TAGLN: variants seen among roughly 807,000 people sequenced by gnomAD.
TAGLN encodes transgelin, also known as 22 kDa actin-binding protein.
In TAGLN, 16 loss-of-function variants were observed where a neutral mutation model predicts 21.9. That is an observed-to-expected ratio of 0.73 (90% confidence interval 0.49 to 1.11). TAGLN has a LOEUF of 1.11. Ranked by LOEUF, TAGLN falls within the 50% of genes least tolerant of loss-of-function variation. The pLI is 0.00. For missense variants in TAGLN, 248 were observed against 263.2 expected (o/e 0.94, Z 0.40); for synonymous variants, 96 against 94.9 (o/e 1.01, Z -0.06).
At position 117,204,510 on chromosome 11, in the gene TAGLN, C is replaced by A. The variant is rs1259040464; in HGVS notation, c.*151C>A. On this transcript the variant is annotated 3_prime_UTR_variant, in exon 5 of 5. Coordinates refer to ENST00000392951, the MANE Select transcript of TAGLN (RefSeq NM_003186.5). ...CTGAGCAATGGTAACTGCACCTGGGCAGCTCCTCCCTGTGCCCCCAGCCTC... is the reference window on the plus strand; with the variant it reads ...CTGAGCAATGGTAACTGCACCTGGGAAGCTCCTCCCTGTGCCCCCAGCCTC... 5 of 1,203,856 alleles carry A rather than the reference C, an allele frequency of 4.2e-6. No homozygotes were observed. The highest frequency in any genetic ancestry group is 6.0e-6 in the Non-Finnish European group (5 of 837,428). 74.6% of individuals were successfully genotyped at this position (1,203,856 alleles called of 1,614,324 possible). A position where few individuals can be genotyped will look rare whatever the true frequency, so the allele number is the denominator to read the frequency against.
At position 117,204,327 on chromosome 11, in the gene TAGLN, G is replaced by C; in HGVS notation, c.574G>C (p.Gly192Arg). 6.2e-7 allele frequency: 1 copy of C among 1,614,246 alleles called. No homozygotes were observed. The highest frequency in any genetic ancestry group is 1.1e-5 in the South Asian group (1 of 91,090). ...AGGGGCCTCCCAGGCCGGCATGACA[G>C]GCTACGGACGACCTCGGCAGATCAT... ...NRGASQAGMTGYGRPRQIIS is the reference protein window; with the variant it reads ...NRGASQAGMTRYGRPRQIIS The change falls in exon 5 of 5, where the codon GGC (glycine) becomes CGC (arginine). Residue 192 changes from glycine (G) to arginine (R), a missense_variant. By Grantham distance (125) the Gly-to-Arg change is moderately radical (BLOSUM62 -2). Coordinates refer to ENST00000392951, the MANE Select transcript of TAGLN (RefSeq NM_003186.5).
chr11:117,200,328 T>G (rs1370572440), intron 1 of TAGLN: 1 of 152,344 alleles, frequency 6.6e-6, no homozygotes, highest in East Asian at 1.9e-4. Flanking sequence ...TGCTCGTGTT[T>G]CTGGGCTTCT....
At chr11:117,200,048 G>C (rs2031022084) in intron 1 of TAGLN, among the ~76,000 whole-genome samples, 1 of 151,702 alleles carries the variant, frequency 6.6e-6, no homozygotes, top group African/African-American at 2.4e-5. Context: ...GTAGCAGAGG[G>C]GTGGGGGGCG....
chr11:117,203,672 C>T lies in TAGLN; in HGVS notation c.359-110C>T, dbSNP rs2031202276. On this transcript the variant is annotated intron_variant, in intron 3 of 4. Coordinates refer to ENST00000392951, the MANE Select transcript of TAGLN (RefSeq NM_003186.5). The surrounding 1 kb of genome is among the most constrained non-coding windows in gnomAD (Gnocchi z 4.4). ...GAGGCCTCCCTTGAATTGGGGACAA[C>T]TCTTGGCCCTGGTTTGGCCATTTTT... is the stretch of plus-strand genomic sequence containing the variant. The T allele has an allele frequency of 1.5e-6, 2 of 1,314,068 alleles. No homozygotes were observed. Among genetic ancestry groups the T allele is most frequent in the African/African-American group, 1.5e-5 (1 of 68,598 alleles). The allele number at this position is 1,314,068 out of a possible 1,614,324, so 81.4% of individuals were successfully genotyped here.
intron 4 of TAGLN, 57 bp from the exon 5 acceptor site, chr11:117,204,158 A>G: frequency 6.2e-7 from 1 of 1,608,790 alleles, no homozygotes; most frequent in Non-Finnish European, 8.5e-7. Flanking sequence ...GGGATCAGAA[A>G]ACGGGTGGAA....
Position 117,204,465 on chromosome 11 carries a change from C to G in TAGLN, c.*106C>G, listed in dbSNP as rs767417535. On this transcript the variant is annotated 3_prime_UTR_variant, in exon 5 of 5. Transcript: ENST00000392951. ...CCCGTGTGGTACCTTCAGCCCTGGC[C>G]AAGCTTTGAGGCTCTGTCACTGAGC... The G allele has an allele frequency of 6.5e-7, 1 of 1,547,380 alleles. No individual in the cohort carries two copies. Among genetic ancestry groups the G allele is most frequent in the Non-Finnish European group, 8.8e-7 (1 of 1,133,090 alleles).
chr11:117,204,301 G>C lies in TAGLN; in HGVS notation c.548G>C (p.Arg183Thr). ...ATTGGCCTTCAGATGGGCAGCAACA[G>C]AGGGGCCTCCCAGGCCGGCATGACA... ...HVIGLQMGSN[R>T]GASQAGMTGY... is the part of the protein sequence containing the mutation. Residue 183 changes from arginine (R) to threonine (T), a missense_variant, in exon 5 of 5, where the codon AGA becomes ACA. Transcript: ENST00000392951. The C allele has an allele frequency of 6.2e-7, 1 of 1,614,260 alleles. No homozygotes were observed. The highest frequency in any genetic ancestry group is 1.1e-5 in the South Asian group (1 of 91,092).
rs1397435227 is a variant in TAGLN at position 117,205,773 on chromosome 11, T to A, written c.*1414T>A. ...GGGCGCCAATCCCCTGTCCAACACCTTCTCACCAAAAGCTCCCGTTTGGCT... is the reference window on the plus strand; with the variant it reads ...GGGCGCCAATCCCCTGTCCAACACCATCTCACCAAAAGCTCCCGTTTGGCT... On this transcript the variant is annotated 3_prime_UTR_variant, in exon 5 of 5. Coordinates refer to ENST00000392951, the MANE Select transcript of TAGLN (RefSeq NM_003186.5). The A allele has an allele frequency of 2.7e-5, 12 of 438,738 alleles. No individual in the cohort carries two copies. Among genetic ancestry groups the A allele is most frequent in the Non-Finnish European group, 4.5e-5 (11 of 247,110 alleles). 27.2% of individuals were successfully genotyped at this position (438,738 alleles called of 1,614,324 possible).
Position 117,203,971 on chromosome 11 carries a change from A to AGAT in TAGLN, c.461+88_461+90dup, listed in dbSNP as rs2031219438. 7.9e-7 allele frequency: 1 copy of AGAT among 1,260,686 alleles called. No individual in the cohort carries two copies. Among genetic ancestry groups the AGAT allele is most frequent in the African/African-American group, 1.5e-5 (1 of 67,460 alleles). The allele number at this position is 1,260,686 out of a possible 1,614,324, so 78.1% of individuals were successfully genotyped here. Reference sequence around the variant, plus strand: ...GCTTGCGGGAAGGATTAGGGGAAGCAGATAGCCAAGAAAGGATAAAGTGAG... The same window carrying AGAT: ...GCTTGCGGGAAGGATTAGGGGAAGCAGATGATAGCCAAGAAAGGATAAAGTGAG... On this transcript the variant is annotated intron_variant, in intron 4 of 4. Coordinates refer to ENST00000392951, the MANE Select transcript of TAGLN (RefSeq NM_003186.5). This position sits in a 1 kb window ranked among gnomAD's most constrained non-coding sequence, Gnocchi z 4.4.
Position 117,206,565 on chromosome 11 carries a change from G to C in TAGLN, c.*2206G>C. 1 of 640,496 alleles carries C rather than the reference G, an allele frequency of 1.6e-6. No homozygotes were observed. Among genetic ancestry groups the C allele is most frequent in the Non-Finnish European group, 2.7e-6 (1 of 376,030 alleles). 39.7% of individuals were successfully genotyped at this position (640,496 alleles called of 1,614,324 possible). On this transcript the variant is annotated 3_prime_UTR_variant, in exon 5 of 5. Coordinates refer to ENST00000392951, the MANE Select transcript of TAGLN (RefSeq NM_003186.5). ...AGCAATGCTATGAAACCACTGCTGG[G>C]ACCCAGGTCTTCCCAGTCCTTCACC...
In TAGLN at chr11:117,205,322, C is replaced by T. The variant is rs537052546; in HGVS notation, c.*963C>T. The T allele has an allele frequency of 1.5e-4, 34 of 233,640 alleles. No homozygotes were observed. Among genetic ancestry groups the T allele is most frequent in the African/African-American group, 7.3e-4 (33 of 45,466 alleles). 14.5% of individuals were successfully genotyped at this position (233,640 alleles called of 1,614,324 possible). ...GGTGGCAGGACTGGAGTGGCAGTGG[C>T]TCCCAAGGCTCTCTCCTCCAACATG... is the stretch of plus-strand genomic sequence containing the variant. On this transcript the variant is annotated 3_prime_UTR_variant, in exon 5 of 5. Transcript: ENST00000392951.
rs370652740 is a variant in TAGLN, at chr11:117,203,347, C to G, written c.221C>G (p.Ser74Cys). ...GTGAACAGCCTGTACCCTGATGGCT[C>G]CAAGCCGGTGAAGGTGCCCGAGAAC... ...KLVNSLYPDG[S>C]KPVKVPENPP... The change falls in exon 3 of 5, where the codon TCC becomes TGC. Residue 74 changes from serine to cysteine, a missense_variant. Physicochemically the swap from Ser to Cys is moderately radical, Grantham distance 112 (BLOSUM62 -1). Coordinates refer to ENST00000392951, the MANE Select transcript of TAGLN (RefSeq NM_003186.5). This position sits in a 1 kb window ranked among gnomAD's most constrained non-coding sequence, Gnocchi z 4.4. 1 of 1,613,998 alleles carries G rather than the reference C, an allele frequency of 6.2e-7. No homozygotes were observed. Among genetic ancestry groups the G allele is most frequent in the African/African-American group, 1.3e-5 (1 of 74,896 alleles).
At chr11:117,199,658 A>G (rs1043892311) in intron 1 of TAGLN, 25 of 152,352 alleles carry the variant, frequency 1.6e-4, no homozygotes, top group Non-Finnish European at 3.5e-4. Context: ...GCTCATTGAA[A>G]TGCCCCGGAT....
rs36112166 is a variant in TAGLN at position 117,203,355 on chromosome 11, G to C, written c.229G>C (p.Val77Leu). The C allele has an allele frequency of 1.5e-3, 2,378 of 1,614,176 alleles. 27 individuals are homozygous for C. The African/African-American group carries it at 0.027, about 19-fold the overall frequency. The change falls in exon 3 of 5, where the codon GTG becomes CTG. Residue 77 changes from valine to leucine, a missense_variant. Val to Leu is a conservative substitution (Grantham distance 32). Coordinates refer to ENST00000392951, the MANE Select transcript of TAGLN (RefSeq NM_003186.5). This position sits in a 1 kb window ranked among gnomAD's most constrained non-coding sequence, Gnocchi z 4.4. ...CCTGTACCCTGATGGCTCCAAGCCG[G>C]TGAAGGTGCCCGAGAACCCACCCTC... is the stretch of plus-strand genomic sequence containing the variant. ...NSLYPDGSKP[V>L]KVPENPPSMV... is the part of the protein sequence containing the mutation.
In TAGLN at chr11:117,204,760, CA is replaced by C. The variant is rs36014587; in HGVS notation, c.*419del. ...CTGGAATATTTTTGGGGTTGGAACT[CA>C]AAAAAAAAAAAAAAAAATCAATCTT... is the stretch of plus-strand genomic sequence containing the variant. On this transcript the variant is annotated 3_prime_UTR_variant, in exon 5 of 5. Transcript: ENST00000392951. The C allele has an allele frequency of 0.094, 16,431 of 174,092 alleles. 42 individuals are homozygous for C. The highest frequency in any genetic ancestry group is 0.12 in the South Asian group (1,258 of 10,684). The allele number at this position is 174,092 out of a possible 1,614,324, so 10.8% of individuals were successfully genotyped here.
intron 1 of TAGLN, among the ~76,000 whole-genome samples, chr11:117,200,030 C>T (rs1230090948): frequency 1.3e-5 from 2 of 151,760 alleles, no homozygotes; most frequent in African/African-American, 2.4e-5. Flanking sequence ...TGGGAGGTCA[C>T]CCCCACTGTA....
In TAGLN at chr11:117,204,336, C is replaced by T. The variant is rs200027966; in HGVS notation, c.583C>T (p.Arg195Ter). Residue 195 changes from arginine (R) to a stop codon, truncating the protein, a stop_gained, in exon 5 of 5, where the codon CGA becomes TGA. Transcript: ENST00000392951. LOFTEE classifies it high-confidence loss of function. ...ASQAGMTGYG[R>*]PRQIIS Reference sequence around the variant, plus strand: ...CCAGGCCGGCATGACAGGCTACGGACGACCTCGGCAGATCATCAGTTAGAG... The same window carrying T: ...CCAGGCCGGCATGACAGGCTACGGATGACCTCGGCAGATCATCAGTTAGAG... 6.8e-6 allele frequency: 11 copies of T among 1,614,234 alleles called. No homozygotes were observed. Among genetic ancestry groups the T allele is most frequent in the East Asian group, 6.7e-5 (3 of 44,884 alleles).
In TAGLN at chr11:117,205,279, T is replaced by TG. The variant is rs1263524298; in HGVS notation, c.*921dup. 1 of 233,618 alleles carries TG rather than the reference T, an allele frequency of 4.3e-6. No homozygotes were observed. 14.5% of individuals were successfully genotyped at this position (233,618 alleles called of 1,614,324 possible). On this transcript the variant is annotated 3_prime_UTR_variant, in exon 5 of 5. Transcript: ENST00000392951. ...CGGGAAGGCCATTTCCCTGAGCACT[T>TG]GCAGAGGAAGACAGGGTGGTGGCAG...
chr11:117,204,098 GA>G, intron 4 of TAGLN, 116 bp from the exon 5 acceptor site: 5 of 1,487,110 alleles, frequency 3.4e-6, no homozygotes, highest in Non-Finnish European at 4.6e-6. Context: ...CTAGATTAGG[GA>G]AAAAAAGTGC....
Sources: gnomAD v4.1 joint callset for allele counts (sites outside exome capture counted in the v4.1 genomes callset) on GRCh38, gnomAD v4.1.1 for gene constraint, Gnocchi (gnomAD v3.1) non-coding constraint, MANE v1.5 for transcripts, NCBI Gene and HGNC (gene_info 2026-07-23, HGNC 2026-07-21) for gene names.